Variants in IFT172 observed in about 807,000 individuals in gnomAD.
IFT172 encodes the protein intraflagellar transport protein 172 homolog.
Under a neutral mutation model 248.9 loss-of-function variants are expected in IFT172, and 164 were observed. The ratio of observed to expected loss-of-function variants is 0.66; its 90% CI spans 0.58 to 0.75. IFT172 has a LOEUF of 0.75. IFT172 is among the 30% of genes least tolerant of loss of function. IFT172 has a pLI of 0.00. For synonymous variants in IFT172, 729 were observed against 791.6 expected (o/e 0.92, Z 1.33); for missense variants, 1,950 against 2,192.4 (o/e 0.89, Z 2.21).
At position 27,454,478 on chromosome 2, in the gene IFT172, A is replaced by T. The variant is rs371945299; in HGVS notation, c.3466-60T>A. 3.9e-5 allele frequency: 63 copies of T among 1,613,178 alleles called. No individual in the cohort carries two copies. In the East Asian group the frequency reaches 8.7e-4, roughly 22 times the overall value. On this transcript the variant is annotated intron_variant, in intron 31 of 47. Coordinates refer to ENST00000260570, the MANE Select transcript of IFT172 (RefSeq NM_015662.3). The surrounding 1 kb of genome is among the most constrained non-coding windows in gnomAD (Gnocchi z 4.2). ...AAGGAGACTGGCATCACAGGCAGGC[A>T]TGAGACTGGGGGTCTGCACACCCAG...
At chr2:27,460,800 C>T (rs982066648) in intron 23 of IFT172, among the ~76,000 whole-genome samples, 4 of 132,716 alleles carry the variant, frequency 3.0e-5, no homozygotes, top group African/African-American at 5.8e-5. Context: ...CAGAGGCTGG[C>T]GGGATCCTCC....
chr2:27,460,740 C>T (rs1331604026), intron 23 of IFT172, among the ~76,000 whole-genome samples: 1 of 121,884 alleles, frequency 8.2e-6, no homozygotes. Context: ...CCTGACACAT[C>T]CCCCTCTTTG....
At position 27,489,469 on chromosome 2, in the gene IFT172, G is replaced by C. The variant is rs1669008447; in HGVS notation, c.39+146C>G. 2.4e-5 allele frequency: 15 copies of C among 618,124 alleles called. No homozygotes were observed. The East Asian group carries it at 4.5e-4, about 18-fold the overall frequency. 38.3% of individuals were successfully genotyped at this position (618,124 alleles called of 1,614,324 possible). A position where few individuals can be genotyped will look rare whatever the true frequency, so the allele number is the denominator to read the frequency against. ...CCCTGCATCTCGCCTCCTGGACGCT[G>C]TATCGACAGGCCAAGATCCAGATCA... On this transcript the variant is annotated intron_variant, in intron 1 of 47. Coordinates refer to ENST00000260570, the MANE Select transcript of IFT172 (RefSeq NM_015662.3).
At chr2:27,469,692 C>T (rs1017599503) in intron 16 of IFT172, among the ~76,000 whole-genome samples, 1 of 152,132 alleles carries the variant, frequency 6.6e-6, no homozygotes, top group Non-Finnish European at 1.5e-5. Context: ...ATTAGCTGGG[C>T]ATGGTGACAG....
At chr2:27,478,240 A>T in intron 10 of IFT172, 84 bp from the exon 11 acceptor site, 4 of 1,514,966 alleles carry the variant, frequency 2.6e-6, no homozygotes, top group Non-Finnish European at 3.6e-6. Context: ...CCACCTCCAC[A>T]GCACTAAACA....
In IFT172 at chr2:27,456,757, G is replaced by A. The variant is rs1666196056; in HGVS notation, c.3229-104C>T. On this transcript the variant is annotated intron_variant, in intron 29 of 47. Transcript: ENST00000260570. ...TCCAGTAACTGTTCTAAATTGAACAGGAAGAGGCTGGGTGTGGTGGCTCAT... is the reference window on the plus strand; with the variant it reads ...TCCAGTAACTGTTCTAAATTGAACAAGAAGAGGCTGGGTGTGGTGGCTCAT... The A allele has an allele frequency of 8.1e-6, 12 of 1,487,318 alleles. No homozygotes were observed. In the South Asian group the frequency reaches 1.5e-4, roughly 18 times the overall value. The allele number at this position is 1,487,318 out of a possible 1,614,324, so 92.1% of individuals were successfully genotyped here.
chr2:27,448,835 T>C (rs1665404271), intron 40 of IFT172, 80 bp downstream of exon 40: 5 of 782,574 alleles, frequency 6.4e-6, no homozygotes, highest in Non-Finnish European at 9.4e-6. Flanking sequence ...TCTGAGAAGA[T>C]AGTTCCTGAG....
In IFT172 at chr2:27,476,628, G is replaced by C. The variant is rs1215894321; in HGVS notation, c.1411+13C>G. The C allele has an allele frequency of 1.4e-6, 2 of 1,418,490 alleles. No individual in the cohort carries two copies. The highest frequency in any genetic ancestry group is 4.6e-5 in the East Asian group (2 of 43,782). 87.9% of individuals were successfully genotyped at this position (1,418,490 alleles called of 1,614,324 possible). Reference sequence around the variant, plus strand: ...CTATTTTGTTATTAAAATTATGAGAGAGTCTTACTCACCTATAGCAATAGT... The same window carrying C: ...CTATTTTGTTATTAAAATTATGAGACAGTCTTACTCACCTATAGCAATAGT... On this transcript the variant is annotated intron_variant, in intron 14 of 47. Transcript: ENST00000260570.
In IFT172 at chr2:27,452,450, A is replaced by G. The variant is rs965517; in HGVS notation, c.3951+934T>C. 5.1e-3 allele frequency among the ~76,000 whole-genome samples: 775 copies of G among 152,316 alleles called. 4 individuals carry two copies. The highest frequency in any genetic ancestry group is 0.018 in the African/African-American group (739 of 41,554). On this transcript the variant is annotated intron_variant, in intron 35 of 47. Coordinates refer to ENST00000260570, the MANE Select transcript of IFT172 (RefSeq NM_015662.3). ...CCAATTCCTTTTAATAAATCTCTTT[A>G]TATACATGTACACACATATACCTAC...
chr2:27,458,810 G>A lies in IFT172; in HGVS notation c.2846C>T (p.Thr949Ile). 2 of 1,614,168 alleles carry A rather than the reference G, an allele frequency of 1.2e-6. No homozygotes were observed. Among genetic ancestry groups the A allele is most frequent in the Non-Finnish European group, 1.7e-6 (2 of 1,180,040 alleles). Residue 949 changes from threonine (T) to isoleucine (I), a missense_variant, in exon 26 of 48, where the codon ACC (threonine) becomes ATC (isoleucine). Around this residue, in one of 3 missense-constraint regions of IFT172, gnomAD observed 1,166 missense variants for 1,254.1 expected, o/e 0.93. Transcript: ENST00000260570. ...DRTKDAIDMY[T>I]QAGRWEQAHK... Reference sequence around the variant, plus strand: ...GGCTTGTTCCCAACGACCAGCCTGGGTGTACATGTCTATGGCATCTTTTGT... The same window carrying A: ...GGCTTGTTCCCAACGACCAGCCTGGATGTACATGTCTATGGCATCTTTTGT...
chr2:27,465,424 G>A lies in IFT172; in HGVS notation c.1924C>T (p.His642Tyr). 1.2e-6 allele frequency: 2 copies of A among 1,613,920 alleles called. No individual in the cohort carries two copies. Among genetic ancestry groups the A allele is most frequent in the South Asian group, 1.1e-5 (1 of 91,074 alleles). ...TGTCTACCTCACCTCTCCGCAATGT[G>A]TAGTTGCCTTGCCTCTAGTGCCAGT... ...SKLALEARQLHIAERCFSALG... is the reference protein window; with the variant it reads ...SKLALEARQLYIAERCFSALG... Residue 642 changes from histidine to tyrosine, a missense_variant, in exon 18 of 48, where the codon CAC (histidine) becomes TAC (tyrosine). His to Tyr is a moderately conservative substitution (Grantham distance 83). Transcript: ENST00000260570.
intron 39 of IFT172, 109 bp downstream of exon 39, chr2:27,449,185 A>C: frequency 7.1e-7 from 1 of 1,400,628 alleles, no homozygotes; most frequent in Non-Finnish European, 1.0e-6. Flanking sequence ...GCCCATTAGA[A>C]ATCTTTGGGC....
intron 14 of IFT172, among the ~76,000 whole-genome samples, chr2:27,473,263 G>A (rs577488420): frequency 3.5e-4 from 52 of 148,720 alleles, no homozygotes; most frequent in Non-Finnish European, 7.0e-4. Flanking sequence ...CCAGCTACTC[G>A]GGAGGCTGAG....
Position 27,483,309 on chromosome 2 carries a change from C to G in IFT172, c.550G>C (p.Glu184Gln), listed in dbSNP as rs1218744872. The G allele has an allele frequency of 3.8e-6, 6 of 1,596,876 alleles. No homozygotes were observed. Among genetic ancestry groups the G allele is most frequent in the Non-Finnish European group, 5.2e-6 (6 of 1,164,376 alleles). ...CATACCTGTGACTCTCCAGAGCCTT[C>G]ATCATCAAAGAAATACCTAACGATG... ...GTIVRYFFDD[E>Q]GSGESQGKLV... The change falls in exon 7 of 48, where the codon GAA becomes CAA. Residue 184 changes from glutamate (E) to glutamine (Q), a missense_variant. Coordinates refer to ENST00000260570, the MANE Select transcript of IFT172 (RefSeq NM_015662.3).
chr2:27,483,277 C>T lies in IFT172; in HGVS notation c.570+12G>A. On this transcript the variant is annotated intron_variant, in intron 7 of 47. Coordinates refer to ENST00000260570, the MANE Select transcript of IFT172 (RefSeq NM_015662.3). ...AGCAATCCAAGCCTCCCACAACATTCTTTATTCATACCTGTGACTCTCCAG... is the reference window on the plus strand; with the variant it reads ...AGCAATCCAAGCCTCCCACAACATTTTTTATTCATACCTGTGACTCTCCAG... 1 of 1,485,286 alleles carries T rather than the reference C, an allele frequency of 6.7e-7. No homozygotes were observed. Among genetic ancestry groups the T allele is most frequent in the Non-Finnish European group, 9.4e-7 (1 of 1,062,712 alleles). 92.0% of individuals were successfully genotyped at this position (1,485,286 alleles called of 1,614,324 possible). A position where few individuals can be genotyped will look rare whatever the true frequency, so the allele number is the denominator to read the frequency against.
At chr2:27,486,258 A>C (rs1024672424) in intron 1 of IFT172, 1 of 167,134 alleles carries the variant, frequency 6.0e-6, no homozygotes, top group Non-Finnish European at 1.5e-5. Flanking sequence ...TTGAAAGGAA[A>C]GGGAGAGACA....
At chr2:27,459,015 C>T in intron 25 of IFT172, 147 bp from the exon 26 acceptor site, 2 of 767,480 alleles carry the variant, frequency 2.6e-6, no homozygotes, top group South Asian at 2.0e-5. Context: ...GTATGGGTGT[C>T]TCATACATTC....
chr2:27,457,552 G>T, intron 29 of IFT172, 87 bp downstream of exon 29: 1 of 1,173,200 alleles, frequency 8.5e-7, no homozygotes. Context: ...TCCAGCCTGG[G>T]TGACAGAGTG....
rs1666776350 is a variant in IFT172 at position 27,462,741 on chromosome 2, TC to T, written c.2074del (p.Glu692LysfsTer9). 9 of 1,614,114 alleles carry T rather than the reference TC, an allele frequency of 5.6e-6. No individual in the cohort carries two copies. Among genetic ancestry groups the T allele is most frequent in the African/African-American group, 1.3e-5 (1 of 75,042 alleles). Reference protein sequence around the residue: ...YQVRARLAMLEKNYKLAEMIF... With the variant: ...YQVRARLAMLXKNYKLAEMIF... ...CATTTCAGCCAGTTTGTAGTTCTTTTCCAGCATGGCTAGACGTGCTCGGACC... is the reference window on the plus strand; with the variant it reads ...CATTTCAGCCAGTTTGTAGTTCTTTTCAGCATGGCTAGACGTGCTCGGACC... On this transcript the variant is annotated frameshift_variant, in exon 20 of 48. Coordinates refer to ENST00000260570, the MANE Select transcript of IFT172 (RefSeq NM_015662.3). LOFTEE classifies it high-confidence loss of function.
Sources: gnomAD v4.1 joint callset for allele counts (sites outside exome capture counted in the v4.1 genomes callset) on GRCh38, gnomAD v4.1.1 for gene constraint, gnomAD v4.1.1 regional missense constraint, Gnocchi (gnomAD v3.1) non-coding constraint, MANE v1.5 for transcripts, NCBI Gene and HGNC (gene_info 2026-07-23, HGNC 2026-07-21) for gene names.